The following TTC6 variants were observed in gnomAD, a reference collection of about 807,000 sequenced individuals.
TTC6 encodes tetratricopeptide repeat protein 6.
A neutral mutation model predicts 210.4 loss-of-function variants in TTC6; 172 were observed. That is an observed-to-expected ratio of 0.82 (90% CI 0.72 to 0.93). The LOEUF is 0.93. TTC6 is among the 40% of genes least tolerant of loss of function. The probability of loss-of-function intolerance (pLI) is 0.00; values close to 1 mark genes in which losing one functional copy is unlikely to be tolerated. For synonymous variants in TTC6, 804 were observed against 819.6 expected, an observed-to-expected ratio of 0.98 and a Z score of 0.32; for missense variants, 2,414 against 2,318.1, an observed-to-expected ratio of 1.04 and a Z score of -0.85.
intron 1 of TTC6, among the ~76,000 whole-genome samples, chr14:37,671,362 G>A (rs918736862): frequency 6.6e-6 from 1 of 152,072 alleles, no homozygotes; most frequent in Non-Finnish European, 1.5e-5. Flanking sequence ...TGATTACACA[G>A]GTCTGCCCTA....
chr14:37,730,833 C>T (rs549510255), intron 7 of TTC6, among the ~76,000 whole-genome samples: 5 of 152,264 alleles, frequency 3.3e-5, no homozygotes, highest in Admixed American at 2.6e-4. Context: ...CTTGGAACTT[C>T]TTGGTCTTGT....
chr14:37,604,875 A>G (rs1292169748), intron 1 of TTC6, among the ~76,000 whole-genome samples: 1 of 152,068 alleles, frequency 6.6e-6, no homozygotes, highest in Non-Finnish European at 1.5e-5. Context: ...ATACTTAGAC[A>G]TTTTCTAAAA....
intron 4 of TTC6, among the ~76,000 whole-genome samples, chr14:37,697,774 C>T (rs910911336): frequency 6.6e-6 from 1 of 152,144 alleles, no homozygotes; most frequent in Non-Finnish European, 1.5e-5. Context: ...CAAATAGTCA[C>T]AGCAGACAAC....
chr14:37,672,406 A>T (rs2095760022), intron 1 of TTC6, among the ~76,000 whole-genome samples: 1 of 152,078 alleles, frequency 6.6e-6, no homozygotes, highest in Non-Finnish European at 1.5e-5. Context: ...GCATTTTGAA[A>T]AACATTATTC....
intron 7 of TTC6, among the ~76,000 whole-genome samples, chr14:37,735,580 G>A (rs143892462): frequency 1.3e-5 from 2 of 152,228 alleles, no homozygotes; most frequent in East Asian, 3.9e-4. Flanking sequence ...GATATGTCTT[G>A]TTCATAATCC....
chr14:37,727,927 A>G (rs2095876996), intron 7 of TTC6, among the ~76,000 whole-genome samples: 2 of 152,184 alleles, frequency 1.3e-5, no homozygotes, highest in Non-Finnish European at 1.5e-5. Context: ...ATATCCCAAT[A>G]TCTCTCAGTT....
intron 5 of TTC6, among the ~76,000 whole-genome samples, chr14:37,702,278 A>G (rs1008281639): frequency 3.3e-5 from 5 of 152,162 alleles, no homozygotes; most frequent in Non-Finnish European, 7.3e-5. Flanking sequence ...AGGTTTGTCT[A>G]ACTCAGTTTT....
At chr14:37,765,655 A>G (rs1299861939) in intron 14 of TTC6, among the ~76,000 whole-genome samples, 5 of 152,066 alleles carry the variant, frequency 3.3e-5, no homozygotes, top group South Asian at 2.1e-4. Context: ...ACCTTGTTGT[A>G]TGGTTTCAAG....
At chr14:37,775,291 A>G (rs1163060512) in intron 14 of TTC6, among the ~76,000 whole-genome samples, 8 of 151,882 alleles carry the variant, frequency 5.3e-5, no homozygotes, top group Non-Finnish European at 1.2e-4. Flanking sequence ...TTTGCTCTTG[A>G]TTGTCTAGTT....
chr14:37,756,660 C>T (rs1425291019), intron 14 of TTC6, among the ~76,000 whole-genome samples: 7 of 152,024 alleles, frequency 4.6e-5, no homozygotes, highest in African/African-American at 9.7e-5. Flanking sequence ...AATTTGTTTG[C>T]GTATGTTGAA....
intron 6 of TTC6, 33 bp from the exon 9 acceptor site, chr14:37,724,865 C>G: frequency 7.7e-7 from 1 of 1,303,648 alleles, no homozygotes. Context: ...CATTTCTTAC[C>G]ATTTCTAATA....
chr14:37,676,390 G>C (rs2095769530), intron 1 of TTC6, among the ~76,000 whole-genome samples: 1 of 151,970 alleles, frequency 6.6e-6, no homozygotes, highest in African/African-American at 2.4e-5. Context: ...AAAGCCAGGA[G>C]TCCATTGCCC....
intron 6 of TTC6, among the ~76,000 whole-genome samples, chr14:37,716,554 C>T (rs1417247280): frequency 6.6e-6 from 1 of 152,046 alleles, no homozygotes; most frequent in East Asian, 1.9e-4. Context: ...ATAAGATAGA[C>T]TTCCAAGCAA....
chr14:37,622,658 C>T, exon 1 of TTC6: 2 of 1,535,188 alleles, frequency 1.3e-6, no homozygotes, highest in Non-Finnish European at 1.7e-6. Context: ...CAGGGCCCTG[C>T]ATGGCCAAAG....
Position 37,796,786 on chromosome 14 carries a change from G to T in TTC6, c.3869-1G>T. On this transcript the variant is annotated splice_acceptor_variant, in intron 19 of 30. Coordinates refer to ENST00000553443, the Ensembl canonical transcript of TTC6. LOFTEE classifies it high-confidence loss of function. The stretch of plus-strand genomic sequence containing the variant: ...ATTGATAAACTTTCCTTCCCTTTTA[G>T]GTCTCAGTGAGTTGAGTCCTATGCA... 1.3e-6 allele frequency: 2 copies of T among 1,592,714 alleles called. No individual in the cohort carries two copies. Among genetic ancestry groups the T allele is most frequent in the African/African-American group, 1.3e-5 (1 of 74,176 alleles).
chr14:37,716,621 C>T (rs2138774187), intron 6 of TTC6, among the ~76,000 whole-genome samples: 1 of 152,152 alleles, frequency 6.6e-6, no homozygotes, highest in East Asian at 1.9e-4. Context: ...GTCAGCACAT[C>T]AAGAAGACAT....
intron 1 of TTC6, among the ~76,000 whole-genome samples, chr14:37,626,486 C>G (rs1015352054): frequency 1.3e-5 from 2 of 152,136 alleles, no homozygotes; most frequent in African/African-American, 4.8e-5. Context: ...ATGTTTGCCT[C>G]GGGGAAGATG....
chr14:37,807,130 G>T (rs1282179466), intron 22 of TTC6, among the ~76,000 whole-genome samples, 190 bp from the exon 25 acceptor site: 2 of 151,882 alleles, frequency 1.3e-5, no homozygotes, highest in Admixed American at 1.3e-4. Flanking sequence ...CAGGTGATAG[G>T]TATTTATCAT....
At chr14:37,840,508 G>C (rs1270803594) in intron 29 of TTC6, among the ~76,000 whole-genome samples, 1 of 151,976 alleles carries the variant, frequency 6.6e-6, no homozygotes, top group African/African-American at 2.4e-5. Context: ...GCATCATCCT[G>C]ATGTCAAAAC....
Sources: gnomAD v4.1 joint callset for allele counts (sites outside exome capture counted in the v4.1 genomes callset) on GRCh38, gnomAD v4.1.1 for gene constraint, MANE v1.5 for transcripts, NCBI Gene and HGNC (gene_info 2026-07-23, HGNC 2026-07-21) for gene names.